The following TMPRSS15 variants were observed in gnomAD, a reference collection of about 807,000 sequenced individuals.
The protein encoded by TMPRSS15 is enteropeptidase.
Under a neutral mutation model 125.3 loss-of-function variants are expected in TMPRSS15, and 128 were observed. The observed-to-expected ratio is 1.02, with a 90% CI of 0.89 to 1.18. TMPRSS15 has a LOEUF of 1.18. Ranked by LOEUF, TMPRSS15 falls within the 50% of genes most tolerant of loss-of-function variation. The pLI is 0.00. For missense variants in TMPRSS15, 1,283 were observed against 1,212.7 expected, an observed-to-expected ratio of 1.06 and a Z score of -0.86; for synonymous variants, 446 against 423.2, an observed-to-expected ratio of 1.05 and a Z score of -0.66.
chr21:18,286,116 C>T (rs140799078), intron 21 of TMPRSS15, among the ~76,000 whole-genome samples: 137 of 152,230 alleles, frequency 9.0e-4, no homozygotes, highest in African/African-American at 3.1e-3. Context: ...AACTCTTTTC[C>T]TCACTTGACT....
chr21:18,285,440 T>C (rs1568983247), intron 21 of TMPRSS15, among the ~76,000 whole-genome samples: 1 of 152,190 alleles, frequency 6.6e-6, no homozygotes. Flanking sequence ...TTTTTCCTGT[T>C]TTACTATTAC....
chr21:18,366,941 A>G (rs1486197701), intron 6 of TMPRSS15, among the ~76,000 whole-genome samples: 1 of 152,136 alleles, frequency 6.6e-6, no homozygotes, highest in African/African-American at 2.4e-5. Context: ...TATTTTATGT[A>G]TATAAAATAA....
rs2074532266 is a variant in TMPRSS15 at position 18,269,831 on chromosome 21, C to T, written c.*138G>A. ...TTTAAAATTTTGTTTCCCTGGCCCC[C>T]TAGCATTTCATTGACATAGGTAAGA... On this transcript the variant is annotated 3_prime_UTR_variant, in exon 25 of 25. Transcript: ENST00000284885. 1 of 1,052,900 alleles carries T rather than the reference C, an allele frequency of 9.5e-7. No homozygotes were observed. The highest frequency in any genetic ancestry group is 2.6e-5 in the East Asian group (1 of 38,072). 65.2% of individuals were successfully genotyped at this position (1,052,900 alleles called of 1,614,324 possible). A position where few individuals can be genotyped will look rare whatever the true frequency, so the allele number is the denominator to read the frequency against.
intron 1 of TMPRSS15, among the ~76,000 whole-genome samples, chr21:18,415,353 T>C (rs1361671511): frequency 1.3e-5 from 2 of 152,154 alleles, no homozygotes; most frequent in African/African-American, 2.4e-5. Flanking sequence ...GCTTTTTAGT[T>C]TGACATAGTC....
At chr21:18,414,602 A>C (rs1234644020) in intron 1 of TMPRSS15, among the ~76,000 whole-genome samples, 1 of 152,154 alleles carries the variant, frequency 6.6e-6, no homozygotes, top group African/African-American at 2.4e-5. Context: ...TAGAATCATG[A>C]ATTATTTTTT....
intron 1 of TMPRSS15, among the ~76,000 whole-genome samples, chr21:18,426,597 C>T (rs1326514420): frequency 6.6e-6 from 1 of 152,124 alleles, no homozygotes; most frequent in Admixed American, 6.5e-5. Flanking sequence ...TTTTGGTCTA[C>T]GCTATGTGAT....
chr21:18,435,216 A>C (rs902861464), intron 1 of TMPRSS15, among the ~76,000 whole-genome samples: 4 of 152,158 alleles, frequency 2.6e-5, no homozygotes, highest in Non-Finnish European at 4.4e-5. Context: ...GCCAGTTTTC[A>C]AAGGGAATGC....
chr21:18,347,146 GA>G (rs1370441811), intron 10 of TMPRSS15, among the ~76,000 whole-genome samples: 1 of 151,092 alleles, frequency 6.6e-6, no homozygotes, highest in East Asian at 2.0e-4. Flanking sequence ...ATCTCCTTCA[GA>G]AAGCCTCCCA....
intron 13 of TMPRSS15, among the ~76,000 whole-genome samples, chr21:18,340,000 A>G (rs551840487): frequency 1.2e-4 from 19 of 152,218 alleles, no homozygotes; most frequent in Non-Finnish European, 1.8e-4. Flanking sequence ...GTAACACATG[A>G]GTGGATCCAT....
chr21:18,412,014 G>T (rs1601453772), intron 1 of TMPRSS15, among the ~76,000 whole-genome samples: 1 of 152,024 alleles, frequency 6.6e-6, no homozygotes, highest in East Asian at 1.9e-4. Flanking sequence ...AGGAAGCTTT[G>T]AAAAAAATAT....
chr21:18,360,489 C>T (rs189134751), intron 7 of TMPRSS15, among the ~76,000 whole-genome samples: 1 of 152,194 alleles, frequency 6.6e-6, no homozygotes, highest in Admixed American at 6.6e-5. Context: ...AACCTGCACA[C>T]TGTTCTCCAT....
Position 18,329,180 on chromosome 21 carries a change from G to A in TMPRSS15, c.1769C>T (p.Ser590Phe). 2 of 1,612,586 alleles carry A rather than the reference G, an allele frequency of 1.2e-6. No homozygotes were observed. Among genetic ancestry groups the A allele is most frequent in the Non-Finnish European group, 1.7e-6 (2 of 1,178,996 alleles). ...VEIRDGEEADSLLLAVYTGPG... is the reference protein window; with the variant it reads ...VEIRDGEEADFLLLAVYTGPG... ...GATTGCAGACTTACCTAAGAGCAAG[G>A]AATCAGCTTCTTCACCATCTCTTAT... Residue 590 changes from serine to phenylalanine, a missense_variant, in exon 15 of 25, where the codon TCC becomes TTC. Ser to Phe is a radical substitution (Grantham distance 155). Coordinates refer to ENST00000284885, the MANE Select transcript of TMPRSS15 (RefSeq NM_002772.3).
intron 18 of TMPRSS15, among the ~76,000 whole-genome samples, chr21:18,300,133 C>A (rs1431233152): frequency 7.0e-6 from 1 of 141,950 alleles, no homozygotes; most frequent in African/African-American, 2.5e-5. Flanking sequence ...TTGGATATAT[C>A]CCCCGTCTCT....
intron 16 of TMPRSS15, among the ~76,000 whole-genome samples, chr21:18,324,440 C>T (rs1241588391): frequency 2.6e-5 from 4 of 152,064 alleles, no homozygotes; most frequent in Non-Finnish European, 4.4e-5. Flanking sequence ...TAACAAAGGC[C>T]TCTAGTCAAA....
chr21:18,424,336 A>G (rs1288599298), intron 1 of TMPRSS15, among the ~76,000 whole-genome samples: 1 of 152,140 alleles, frequency 6.6e-6, no homozygotes, highest in Non-Finnish European at 1.5e-5. Context: ...ACTGCTCCCA[A>G]TTGTCTAGTA....
chr21:18,284,900 C>A (rs2074744208), intron 21 of TMPRSS15, among the ~76,000 whole-genome samples: 1 of 151,930 alleles, frequency 6.6e-6, no homozygotes, highest in African/African-American at 2.4e-5. Flanking sequence ...ACTCAGGAGG[C>A]TGGGGCAGGA....
upstream of TMPRSS15, among the ~76,000 whole-genome samples, chr21:18,408,509 C>T (rs1444175604): frequency 6.6e-6 from 1 of 152,120 alleles, no homozygotes; most frequent in Admixed American, 6.5e-5. Context: ...AATGAACACT[C>T]CTAGGATTGA....
intron 24 of TMPRSS15, among the ~76,000 whole-genome samples, chr21:18,273,301 G>T (rs2074582160): frequency 6.6e-6 from 1 of 152,290 alleles, no homozygotes; most frequent in African/African-American, 2.4e-5. Flanking sequence ...ATGCTTCAAA[G>T]AACTTAAATA....
intron 16 of TMPRSS15, among the ~76,000 whole-genome samples, chr21:18,320,887 T>C (rs975317090): frequency 5.3e-5 from 8 of 152,328 alleles, no homozygotes; most frequent in Admixed American, 3.9e-4. Flanking sequence ...TTTATGCCCA[T>C]GGTGAGAGAA....
Sources: gnomAD v4.1 joint callset for allele counts (sites outside exome capture counted in the v4.1 genomes callset) on GRCh38, gnomAD v4.1.1 for gene constraint, MANE v1.5 for transcripts, NCBI Gene and HGNC (gene_info 2026-07-23, HGNC 2026-07-21) for gene names.